TTC28: variants seen among roughly 807,000 people sequenced by gnomAD.
TTC28 encodes the protein tetratricopeptide repeat protein 28.
TTC28 carries 61 observed loss-of-function variants against 198.0 expected under a neutral mutation model. The ratio of observed to expected loss-of-function variants is 0.31; its 90% CI spans 0.25 to 0.38. TTC28 has a LOEUF of 0.38. Among genes scored for constraint, TTC28 ranks in the 10% least tolerant of loss-of-function variants. The pLI is 1.00. For synonymous variants in TTC28, 1,171 were observed against 1,297.8 expected (o/e 0.90, Z 2.10); for missense variants, 2,678 against 3,164.0 (o/e 0.85, Z 3.69).
Position 28,043,232 on chromosome 22 carries a change from G to C in TTC28, c.3933-12866C>G, listed in dbSNP as rs537601586. Among the ~76,000 whole-genome samples the C allele has an allele frequency of 1.5e-4, 11 of 71,504 alleles. 1 individual carries two copies. The South Asian group carries it at 6.1e-3, about 39-fold the overall frequency. 46.9% of individuals were successfully genotyped at this position (71,504 alleles called of 152,430 possible). On this transcript the variant is annotated intron_variant, in intron 12 of 22. Coordinates refer to ENST00000397906, the MANE Select transcript of TTC28 (RefSeq NM_001145418.2). ...CACTCCAGCCTGCATAACAGAGTAAGACTCCATCTCAAAAAAAAAAAAAAA... is the reference window on the plus strand; with the variant it reads ...CACTCCAGCCTGCATAACAGAGTAACACTCCATCTCAAAAAAAAAAAAAAA...
chr22:28,264,125 A>G (rs761816667), intron 5 of TTC28, among the ~76,000 whole-genome samples: 12 of 152,152 alleles, frequency 7.9e-5, no homozygotes, highest in Non-Finnish European at 1.8e-4. Flanking sequence ...CATAATCCCC[A>G]TATGTCATGG....
At chr22:28,334,751 C>T (rs995068578) in intron 2 of TTC28, among the ~76,000 whole-genome samples, 3 of 152,158 alleles carry the variant, frequency 2.0e-5, no homozygotes, top group Admixed American at 1.3e-4. Flanking sequence ...GATATTACCC[C>T]TTTGTCAGAT....
intron 2 of TTC28, among the ~76,000 whole-genome samples, chr22:28,538,721 A>ATG (rs1332269532): frequency 1.3e-4 from 19 of 151,770 alleles, no homozygotes; most frequent in Non-Finnish European, 2.4e-4. Flanking sequence ...CACCACGTCC[A>ATG]GCTAATTTTT....
intron 2 of TTC28, among the ~76,000 whole-genome samples, chr22:28,391,284 T>C (rs1301491260): frequency 6.6e-6 from 1 of 152,218 alleles, no homozygotes; most frequent in African/African-American, 2.4e-5. Flanking sequence ...ATTTTTTCCT[T>C]CATTTCAACT....
intron 2 of TTC28, among the ~76,000 whole-genome samples, chr22:28,336,570 G>T (rs134493): frequency 4.6e-4 from 70 of 152,146 alleles, no homozygotes; most frequent in Middle Eastern, 6.8e-3. Flanking sequence ...GTCTTGGGAG[G>T]GTGTATGTAT....
chr22:28,581,615 A>T (rs2050234899), intron 2 of TTC28, among the ~76,000 whole-genome samples: 2 of 152,228 alleles, frequency 1.3e-5, no homozygotes, highest in Non-Finnish European at 2.9e-5. Context: ...TCCACTAATA[A>T]ATAGAATTCA....
rs1937039613 is a variant in TTC28 at position 27,982,145 on chromosome 22, C to T, written c.*76G>A. The T allele has an allele frequency of 2.2e-6, 3 of 1,392,546 alleles. No individual in the cohort carries two copies. The highest frequency in any genetic ancestry group is 2.9e-5 in the African/African-American group (2 of 68,590). The allele number at this position is 1,392,546 out of a possible 1,614,324, so 86.3% of individuals were successfully genotyped here. A position where few individuals can be genotyped will look rare whatever the true frequency, so the allele number is the denominator to read the frequency against. On this transcript the variant is annotated 3_prime_UTR_variant, in exon 23 of 23. Transcript: ENST00000397906. The surrounding 1 kb of genome is among the most constrained non-coding windows in gnomAD (Gnocchi z 5.2). ...GGTGCTGGTGGCTGTGGGGGGACTG[C>T]ACTCAGGGAAGGGCTGAAGCAAACG...
chr22:28,256,393 C>T (rs1186120923), intron 5 of TTC28, among the ~76,000 whole-genome samples: 1 of 148,822 alleles, frequency 6.7e-6, no homozygotes, highest in Non-Finnish European at 1.5e-5. Context: ...TGCACTCCAG[C>T]CTGGGCAACA....
At chr22:28,424,260 T>C (rs2047310921) in intron 2 of TTC28, among the ~76,000 whole-genome samples, 1 of 152,168 alleles carries the variant, frequency 6.6e-6, no homozygotes, top group South Asian at 2.1e-4. Context: ...AATAAATGTG[T>C]TCTATTGTTT....
At chr22:28,247,863 A>C (rs2147267114) in intron 5 of TTC28, among the ~76,000 whole-genome samples, 1 of 152,304 alleles carries the variant, frequency 6.6e-6, no homozygotes, top group East Asian at 1.9e-4. Context: ...TCCCATCTTG[A>C]ATGGTTTTGA....
Position 28,323,553 on chromosome 22 carries a change from G to T in TTC28, c.382-16910C>A, listed in dbSNP as rs529479485. 3.1e-4 allele frequency among the ~76,000 whole-genome samples: 47 copies of T among 152,282 alleles called. 1 individual carries two copies. The highest frequency in any genetic ancestry group is 1.7e-3 in the Admixed American group (26 of 15,292). ...AAGGAATTATTAAGCTTGAAGACAG[G>T]CTGTTAGAACATAGAGAGACAAAAG... On this transcript the variant is annotated intron_variant, in intron 2 of 22. Transcript: ENST00000397906.
At chr22:28,010,161 C>T (rs2146572705) in intron 14 of TTC28, among the ~76,000 whole-genome samples, 1 of 152,298 alleles carries the variant, frequency 6.6e-6, no homozygotes, top group African/African-American at 2.4e-5. Context: ...TGAAGGGCAG[C>T]AGAAGCACAG....
chr22:28,255,747 T>A (rs962142231), intron 5 of TTC28, among the ~76,000 whole-genome samples: 3 of 151,834 alleles, frequency 2.0e-5, no homozygotes, highest in Non-Finnish European at 4.4e-5. Flanking sequence ...TGGTGATGCT[T>A]AAGATGGTGG....
intron 5 of TTC28, among the ~76,000 whole-genome samples, chr22:28,255,329 A>T (rs946610725): frequency 6.6e-6 from 1 of 152,158 alleles, no homozygotes; most frequent in African/African-American, 2.4e-5. Context: ...ACCTAAGATT[A>T]CACCTCTTGG....
At chr22:28,557,903 G>C (rs1218568281) in intron 2 of TTC28, among the ~76,000 whole-genome samples, 2 of 152,156 alleles carry the variant, frequency 1.3e-5, no homozygotes, top group Non-Finnish European at 2.9e-5. Flanking sequence ...TTCTTATCTT[G>C]TTACCTACCT....
intron 13 of TTC28, among the ~76,000 whole-genome samples, chr22:28,019,245 A>C (rs1241915503): frequency 6.6e-6 from 1 of 152,152 alleles, no homozygotes; most frequent in Non-Finnish European, 1.5e-5. Context: ...GGCCTCTTCT[A>C]GGGTTTTTAA....
intron 13 of TTC28, chr22:28,029,039 T>C: frequency 2.1e-6 from 1 of 471,188 alleles, no homozygotes; most frequent in Non-Finnish European, 4.4e-6. Flanking sequence ...GTCACCTGCC[T>C]TCACTGGCTG....
chr22:28,528,737 TA>T (rs5844812), intron 2 of TTC28, among the ~76,000 whole-genome samples: 1,619 of 89,898 alleles, frequency 0.018, 7 homozygotes, highest in African/African-American at 0.025. Flanking sequence ...CCCTGTCTCA[TA>T]AAAAAAAAAA....
intron 2 of TTC28, among the ~76,000 whole-genome samples, chr22:28,551,287 T>G (rs1286573075): frequency 6.6e-6 from 1 of 152,134 alleles, no homozygotes; most frequent in Non-Finnish European, 1.5e-5. Context: ...CACAGCTAAA[T>G]TCTATTAGAC....
Sources: allele counts gnomAD v4.1 joint callset (sites outside exome capture counted in the v4.1 genomes callset), GRCh38; gene constraint gnomAD v4.1.1; non-coding constraint Gnocchi (gnomAD v3.1); transcripts MANE v1.5; gene names NCBI Gene and HGNC (gene_info 2026-07-23, HGNC 2026-07-21).